Variants in STAG1 observed in about 807,000 individuals in gnomAD.
STAG1 encodes STAG1 cohesin complex component, also known as cohesin subunit SA-1.
STAG1 carries 26 observed loss-of-function variants against 170.9 expected under a neutral mutation model. The observed-to-expected ratio is 0.15, with a 90% CI of 0.11 to 0.21. The LOEUF (loss-of-function observed/expected upper bound fraction) is 0.21, where lower values mean the gene tolerates loss of function less well. Ranked by LOEUF, STAG1 falls within the 10% of genes least tolerant of loss-of-function variation. The pLI is 1.00. For missense variants in STAG1, 964 were observed against 1,509.5 expected, an observed-to-expected ratio of 0.64 and a Z score of 5.99; for synonymous variants, 514 against 497.7, an observed-to-expected ratio of 1.03 and a Z score of -0.44.
At position 136,367,002 on chromosome 3, in the gene STAG1, T is replaced by C; in HGVS notation, c.2626A>G (p.Ile876Val). 6.2e-7 allele frequency: 1 copy of C among 1,611,678 alleles called. No individual in the cohort carries two copies. The highest frequency in any genetic ancestry group is 8.5e-7 in the Non-Finnish European group (1 of 1,178,376). Residue 876 changes from isoleucine to valine, a missense_variant, in exon 25 of 34, where the codon ATC becomes GTC. By Grantham distance (29) the Ile-to-Val change is conservative. Transcript: ENST00000383202. ...TGCATGTCAACAATGTCATAAATGA[T>C]AAGTTTGCTGAAAGCAGCAAGTAGA... ...RNLLAAFSKL[I>V]IYDIVDMHAA...
chr3:136,347,395 C>CCAAA (rs1410521466), intron 29 of STAG1, among the ~76,000 whole-genome samples: 2 of 78,726 alleles, frequency 2.5e-5, no homozygotes, highest in African/African-American at 1.0e-4. Flanking sequence ...GATCCTGTCT[C>CCAAA]AAAAAAAAAA....
chr3:136,506,795 T>C (rs779687946), intron 7 of STAG1, among the ~76,000 whole-genome samples: 3 of 152,180 alleles, frequency 2.0e-5, no homozygotes, highest in Non-Finnish European at 2.9e-5. Flanking sequence ...AAATGCCTAG[T>C]AGACACACAT....
chr3:136,385,469 C>T (rs901605126), intron 22 of STAG1, among the ~76,000 whole-genome samples: 1 of 152,132 alleles, frequency 6.6e-6, no homozygotes, highest in Non-Finnish European at 1.5e-5. Flanking sequence ...CCTAGAGTAC[C>T]TGCAGAAAGG....
intron 1 of STAG1, among the ~76,000 whole-genome samples, chr3:136,631,664 T>C (rs1940334024): frequency 6.6e-6 from 1 of 151,832 alleles, no homozygotes; most frequent in South Asian, 2.1e-4. Context: ...ACAGAGAATA[T>C]AAGCAAACAC....
At chr3:136,718,983 A>C (rs1933033544) in intron 1 of STAG1, among the ~76,000 whole-genome samples, 1 of 152,168 alleles carries the variant, frequency 6.6e-6, no homozygotes, top group South Asian at 2.1e-4. Context: ...TCTGGAAAAC[A>C]ATTTAGCGGT....
At chr3:136,628,188 C>G (rs909115118) in intron 2 of STAG1, among the ~76,000 whole-genome samples, 1 of 152,122 alleles carries the variant, frequency 6.6e-6, no homozygotes, top group East Asian at 1.9e-4. Context: ...TCCACTCCCC[C>G]ACTTCTCTCT....
At chr3:136,677,900 ATATATAT>A (rs1942177705) in intron 1 of STAG1, among the ~76,000 whole-genome samples, 1 of 147,442 alleles carries the variant, frequency 6.8e-6, no homozygotes, top group Non-Finnish European at 1.5e-5. Context: ...CATATATATA[ATATATAT>A]TATATATATT....
chr3:136,407,129 C>A (rs879816399), intron 21 of STAG1, among the ~76,000 whole-genome samples: 1 of 152,010 alleles, frequency 6.6e-6, no homozygotes, highest in African/African-American at 2.4e-5. Context: ...GGGGTTCAAG[C>A]GATTCTCCTG....
intron 22 of STAG1, among the ~76,000 whole-genome samples, chr3:136,381,713 ATGTT>A (rs1937982119): frequency 6.6e-6 from 1 of 152,216 alleles, no homozygotes; most frequent in South Asian, 2.1e-4. Context: ...AGATGTGAGA[ATGTT>A]TGCTGAATGA....
chr3:136,670,158 G>C (rs2107874685), intron 1 of STAG1, among the ~76,000 whole-genome samples: 1 of 152,334 alleles, frequency 6.6e-6, no homozygotes, highest in Middle Eastern at 3.4e-3. Flanking sequence ...TCCAATATTA[G>C]CAGCAATGCC....
intron 16 of STAG1, among the ~76,000 whole-genome samples, chr3:136,427,052 T>C (rs2107736923): frequency 6.9e-6 from 1 of 145,130 alleles, no homozygotes; most frequent in South Asian, 2.2e-4. Flanking sequence ...AGAGCGAGAC[T>C]CGTCTCTTAA....
intron 1 of STAG1, among the ~76,000 whole-genome samples, chr3:136,711,131 T>C (rs1943371442): frequency 6.6e-6 from 1 of 151,920 alleles, no homozygotes; most frequent in Non-Finnish European, 1.5e-5. Context: ...TAACAAAAGA[T>C]ATGCAAGACT....
chr3:136,377,715 A>G lies in STAG1; in HGVS notation c.2315T>C (p.Phe772Ser). ...LLVLRKTVKS[F>S]LAVCQQCLSN... ...CAGGCACTGCTGGCAAACAGCCAAA[A>G]AGGATTTCACCGTTTTCCTCAATAC... The change falls in exon 23 of 34, where the codon TTT (phenylalanine) becomes TCT (serine). Residue 772 changes from phenylalanine to serine, a missense_variant. By Grantham distance (155) the Phe-to-Ser change is radical. This residue lies in a region of STAG1 where 232 missense variants were observed against 313.0 expected (regional missense o/e 0.74). Coordinates refer to ENST00000383202, the MANE Select transcript of STAG1 (RefSeq NM_005862.3). The G allele has an allele frequency of 1.2e-6, 2 of 1,614,052 alleles. No individual in the cohort carries two copies. The highest frequency in any genetic ancestry group is 1.7e-6 in the Non-Finnish European group (2 of 1,180,000).
At chr3:136,429,331 C>T (rs902375685) in intron 16 of STAG1, among the ~76,000 whole-genome samples, 3 of 152,102 alleles carry the variant, frequency 2.0e-5, no homozygotes, top group African/African-American at 7.2e-5. Flanking sequence ...CGCTTGAACC[C>T]GGGAGGTGGA....
At chr3:136,609,982 A>T (rs1405758508) in intron 3 of STAG1, among the ~76,000 whole-genome samples, 1 of 152,156 alleles carries the variant, frequency 6.6e-6, no homozygotes, top group Non-Finnish European at 1.5e-5. Context: ...TTGCATTTTA[A>T]TGTCTTGGAT....
chr3:136,571,263 T>C (rs561338601), intron 4 of STAG1, among the ~76,000 whole-genome samples: 1 of 151,230 alleles, frequency 6.6e-6, no homozygotes, highest in South Asian at 2.1e-4. Context: ...CACAGGAACC[T>C]GCATCAGAAA....
intron 1 of STAG1, among the ~76,000 whole-genome samples, chr3:136,668,826 C>T (rs1941894909): frequency 6.6e-6 from 1 of 152,186 alleles, no homozygotes; most frequent in Non-Finnish European, 1.5e-5. Flanking sequence ...AGCTAACACT[C>T]CTCAATAGAG....
chr3:136,643,012 G>A (rs571890758), intron 1 of STAG1, among the ~76,000 whole-genome samples: 1 of 152,172 alleles, frequency 6.6e-6, no homozygotes, highest in Non-Finnish European at 1.5e-5. Context: ...AAGGACACCA[G>A]TCATATTGGA....
intron 7 of STAG1, among the ~76,000 whole-genome samples, chr3:136,512,305 C>T (rs190371300): frequency 4.6e-5 from 7 of 151,716 alleles, no homozygotes; most frequent in African/African-American, 1.7e-4. Context: ...GACCCTGTCT[C>T]GAAAATAAAA....
Sources: allele counts gnomAD v4.1 joint callset (sites outside exome capture counted in the v4.1 genomes callset), GRCh38; gene constraint gnomAD v4.1.1; regional missense constraint gnomAD v4.1.1; transcripts MANE v1.5; gene names NCBI Gene and HGNC (gene_info 2026-07-23, HGNC 2026-07-21).